Variants in PTPN9 observed in about 807,000 individuals in gnomAD.
PTPN9 encodes the protein protein tyrosine phosphatase non-receptor type 9.
A neutral mutation model predicts 69.8 loss-of-function variants in PTPN9; 26 were observed. That is an observed-to-expected ratio of 0.37 (90% CI 0.27 to 0.52). The LOEUF is 0.52. Among genes scored for constraint, PTPN9 ranks in the 20% least tolerant of loss-of-function variants. The pLI is 0.91. For synonymous variants in PTPN9, 274 were observed against 272.5 expected, an observed-to-expected ratio of 1.01 and a Z score of -0.05; for missense variants, 549 against 740.3, an observed-to-expected ratio of 0.74 and a Z score of 3.00.
In PTPN9 at chr15:75,578,900, C is replaced by A; in HGVS notation, c.-124G>T. ...GGGGCCGGCTCGCGCATAGTGTGGC[C>A]GGCAGGGCCCGGCGCCTGCAGCGGC... On this transcript the variant is annotated 5_prime_UTR_variant, in exon 1 of 13. Coordinates refer to ENST00000618819, the MANE Select transcript of PTPN9 (RefSeq NM_002833.4). 1 of 532,904 alleles carries A rather than the reference C, an allele frequency of 1.9e-6. No homozygotes were observed. Among genetic ancestry groups the A allele is most frequent in the Non-Finnish European group, 2.7e-6 (1 of 372,770 alleles). The allele number at this position is 532,904 out of a possible 1,614,324, so 33.0% of individuals were successfully genotyped here.
At chr15:75,532,731 C>T (rs2074969038) in intron 1 of PTPN9, among the ~76,000 whole-genome samples, 1 of 152,232 alleles carries the variant, frequency 6.6e-6, no homozygotes, top group African/African-American at 2.4e-5. Context: ...TGCGTAGCAC[C>T]TGCTCTGTTC....
intron 7 of PTPN9, among the ~76,000 whole-genome samples, chr15:75,504,795 A>G (rs908193044): frequency 8.2e-6 from 1 of 122,040 alleles, no homozygotes; most frequent in Admixed American, 8.0e-5. Flanking sequence ...TCCGGGAGGG[A>G]GGTGGGGGGG....
chr15:75,513,017 A>G, intron 5 of PTPN9: 1 of 399,582 alleles, frequency 2.5e-6, no homozygotes, highest in South Asian at 2.0e-5. Context: ...TCCCTTGAGG[A>G]AAGGTTTGGG....
chr15:75,563,271 C>A (rs1007610503), intron 1 of PTPN9, among the ~76,000 whole-genome samples: 2 of 152,268 alleles, frequency 1.3e-5, no homozygotes, highest in Non-Finnish European at 2.9e-5. Flanking sequence ...TCACTGCAAC[C>A]TCTGCCTCCC....
At chr15:75,532,802 G>C (rs931248373) in intron 1 of PTPN9, among the ~76,000 whole-genome samples, 1 of 152,178 alleles carries the variant, frequency 6.6e-6, no homozygotes, top group Admixed American at 6.6e-5. Flanking sequence ...ACCTCTAAAA[G>C]GAGTCAGAAA....
chr15:75,539,134 C>A (rs553173200), intron 1 of PTPN9, among the ~76,000 whole-genome samples: 2 of 152,194 alleles, frequency 1.3e-5, no homozygotes, highest in African/African-American at 4.8e-5. Context: ...CGCCTGTAAT[C>A]TCAGGTGTTT....
At chr15:75,500,620 A>T (rs2074767842) in intron 7 of PTPN9, among the ~76,000 whole-genome samples, 1 of 152,100 alleles carries the variant, frequency 6.6e-6, no homozygotes, top group South Asian at 2.1e-4. Context: ...GTAGTTGGGT[A>T]TAGGTAGCAC....
chr15:75,548,817 C>T (rs1185220640), intron 1 of PTPN9, among the ~76,000 whole-genome samples: 3 of 151,726 alleles, frequency 2.0e-5, no homozygotes, highest in Non-Finnish European at 2.9e-5. Flanking sequence ...CCACGCCCGG[C>T]TAATTTTTTG....
chr15:75,532,388 C>T (rs1470005577), intron 1 of PTPN9, among the ~76,000 whole-genome samples: 1 of 150,888 alleles, frequency 6.6e-6, no homozygotes, highest in Non-Finnish European at 1.5e-5. Flanking sequence ...GGAGACAGTG[C>T]GAGACTCTGT....
At chr15:75,542,238 A>G (rs2075012280) in intron 1 of PTPN9, among the ~76,000 whole-genome samples, 1 of 152,086 alleles carries the variant, frequency 6.6e-6, no homozygotes, top group African/African-American at 2.4e-5. Flanking sequence ...TGATATCCAC[A>G]TGTTGCAAGA....
chr15:75,572,708 A>G (rs1347845335), intron 1 of PTPN9, among the ~76,000 whole-genome samples: 2 of 152,022 alleles, frequency 1.3e-5, no homozygotes, highest in East Asian at 1.9e-4. Flanking sequence ...CTCTGTCTCA[A>G]AAAAAAAGAA....
intron 4 of PTPN9, among the ~76,000 whole-genome samples, chr15:75,518,136 C>A (rs2074881213): frequency 6.6e-6 from 1 of 152,090 alleles, no homozygotes; most frequent in South Asian, 2.1e-4. Flanking sequence ...CTTTGGGAGG[C>A]TAAGGATGGT....
At chr15:75,559,170 G>A (rs1015986651) in intron 1 of PTPN9, among the ~76,000 whole-genome samples, 20 of 151,876 alleles carry the variant, frequency 1.3e-4, no homozygotes, top group Non-Finnish European at 2.2e-4. Flanking sequence ...GAGCGCCTCT[G>A]CCCGGCCGCC....
At chr15:75,470,373 C>G (rs1177615762) in intron 11 of PTPN9, among the ~76,000 whole-genome samples, 1 of 152,212 alleles carries the variant, frequency 6.6e-6, no homozygotes, top group African/African-American at 2.4e-5. Context: ...CCTAGATTAT[C>G]TTGAACTCCT....
intron 7 of PTPN9, among the ~76,000 whole-genome samples, chr15:75,503,037 C>A (rs2074782522): frequency 6.6e-6 from 1 of 152,152 alleles, no homozygotes; most frequent in Non-Finnish European, 1.5e-5. Flanking sequence ...GCCGAGATTG[C>A]AGCCTCTGCC....
intron 1 of PTPN9, among the ~76,000 whole-genome samples, chr15:75,529,231 C>T (rs529920696): frequency 1.3e-5 from 2 of 151,924 alleles, no homozygotes; most frequent in African/African-American, 2.4e-5. Context: ...ATGATCCGTC[C>T]GCCTCGGCCT....
At chr15:75,479,739 C>CA in intron 9 of PTPN9, 109 bp downstream of exon 9, 1 of 938,948 alleles carries the variant, frequency 1.1e-6, no homozygotes, top group Non-Finnish European at 1.6e-6. Flanking sequence ...ATCTAGTGGC[C>CA]AAAACCTCCA....
chr15:75,478,309 T>C (rs1325974295), intron 9 of PTPN9, among the ~76,000 whole-genome samples: 16 of 151,524 alleles, frequency 1.1e-4, no homozygotes, highest in Admixed American at 9.9e-4. Flanking sequence ...TTCTCCATGT[T>C]GGTCAGGCTG....
intron 8 of PTPN9, among the ~76,000 whole-genome samples, chr15:75,482,564 CAAAAAAAAAAAAAAA>C (rs145653223): frequency 5.7e-5 from 2 of 35,388 alleles, no homozygotes; most frequent in Admixed American, 4.5e-4. Flanking sequence ...GACTCCGTCT[CAAAAAAAAAAAAAAA>C]AAAAAAAAAA....
Sources: gnomAD v4.1 joint callset for allele counts (sites outside exome capture counted in the v4.1 genomes callset) on GRCh38, gnomAD v4.1.1 for gene constraint, MANE v1.5 for transcripts, NCBI Gene and HGNC (gene_info 2026-07-23, HGNC 2026-07-21) for gene names.